RBFOX1: variants seen among roughly 807,000 people sequenced by gnomAD.
RBFOX1 encodes the protein RNA binding protein fox-1 homolog 1.
In RBFOX1, 8 loss-of-function variants were observed where a neutral mutation model predicts 57.7. The ratio of observed to expected loss-of-function variants is 0.14; its 90% CI spans 0.08 to 0.25. RBFOX1 has a LOEUF of 0.25. Ranked by LOEUF, RBFOX1 falls within the 10% of genes least tolerant of loss-of-function variation. The probability of loss-of-function intolerance (pLI) is 1.00; values close to 1 mark genes in which losing one functional copy is unlikely to be tolerated. For missense variants in RBFOX1, 611 were observed against 548.5 expected (o/e 1.11, Z -1.14); for synonymous variants, 326 against 222.4 (o/e 1.47, Z -4.15).
chr16:6,852,741 T>C (rs1423201211), intron 3 of RBFOX1, among the ~76,000 whole-genome samples: 1 of 147,580 alleles, frequency 6.8e-6, no homozygotes, highest in African/African-American at 2.5e-5. Context: ...ACTAGCTGTC[T>C]AGGTGAGATG....
At chr16:7,190,217 C>G (rs1052591883) in intron 4 of RBFOX1, among the ~76,000 whole-genome samples, 13 of 152,030 alleles carry the variant, frequency 8.6e-5, no homozygotes, top group African/African-American at 3.1e-4. Context: ...AGAAATTACC[C>G]AGGCATGGTG....
At chr16:7,710,346 G>T in intron 15 of RBFOX1, 1 of 1,272,368 alleles carries the variant, frequency 7.9e-7, no homozygotes, top group Non-Finnish European at 9.9e-7. Context: ...ATGAGACAGT[G>T]AAAATCCTTC....
chr16:6,600,482 C>A (rs1305437826), intron 2 of RBFOX1, among the ~76,000 whole-genome samples: 6 of 152,188 alleles, frequency 3.9e-5, no homozygotes, highest in East Asian at 3.8e-4. Flanking sequence ...AACCAGATAG[C>A]AGAGTCTCCA....
intron 3 of RBFOX1, among the ~76,000 whole-genome samples, chr16:7,032,918 G>C (rs149574197): frequency 1.2e-4 from 19 of 152,238 alleles, no homozygotes; most frequent in African/African-American, 4.6e-4. Context: ...TGGGAAGGAG[G>C]CTTTTCCTGG....
intron 2 of RBFOX1, among the ~76,000 whole-genome samples, chr16:6,501,601 C>G (rs553990084): frequency 6.6e-6 from 1 of 151,978 alleles, no homozygotes; most frequent in Admixed American, 6.6e-5. Context: ...AATAAACATA[C>G]GTGTGCATGC....
chr16:7,466,658 G>A (rs1004235452), intron 4 of RBFOX1, among the ~76,000 whole-genome samples: 2 of 152,164 alleles, frequency 1.3e-5, no homozygotes, highest in African/African-American at 2.4e-5. Flanking sequence ...GTTACTTTCT[G>A]AATCTCAGTG....
chr16:7,280,201 T>G (rs1448471752), intron 4 of RBFOX1, among the ~76,000 whole-genome samples: 2 of 152,214 alleles, frequency 1.3e-5, no homozygotes, highest in Non-Finnish European at 2.9e-5. Context: ...ATTCAGCTGT[T>G]TTCCTCATCC....
At chr16:7,510,953 A>C (rs537751179) in intron 4 of RBFOX1, among the ~76,000 whole-genome samples, 36 of 152,342 alleles carry the variant, frequency 2.4e-4, no homozygotes, top group South Asian at 2.1e-4. Context: ...GGTTCTCCAC[A>C]GCAGGAAATA....
At chr16:5,984,834 G>T (rs368343256) in intron 4 of RBFOX1, among the ~76,000 whole-genome samples, 1 of 151,332 alleles carries the variant, frequency 6.6e-6, no homozygotes, top group African/African-American at 2.4e-5. Context: ...ACTGAATACT[G>T]TAGGCAGTTG....
chr16:5,910,376 A>G (rs1244388121), intron 4 of RBFOX1, among the ~76,000 whole-genome samples: 1 of 152,176 alleles, frequency 6.6e-6, no homozygotes, highest in African/African-American at 2.4e-5. Context: ...AGCCTTCTTG[A>G]CTGGAAGAAT....
At chr16:6,989,014 C>T (rs924797690) in intron 3 of RBFOX1, among the ~76,000 whole-genome samples, 12 of 152,026 alleles carry the variant, frequency 7.9e-5, no homozygotes, top group African/African-American at 2.2e-4. Context: ...CCACCCCCCT[C>T]GGACTCCCAA....
intron 4 of RBFOX1, among the ~76,000 whole-genome samples, chr16:7,070,615 G>A (rs2057131750): frequency 6.6e-6 from 1 of 152,174 alleles, no homozygotes; most frequent in Admixed American, 6.5e-5. Context: ...TGATTAACCT[G>A]GGTTTGCTTA....
In RBFOX1 at chr16:7,662,785, T is replaced by G. The variant is rs79908266; in HGVS notation, c.891-2144T>G. Among the ~76,000 whole-genome samples the G allele has an allele frequency of 5.2e-3, 799 of 152,320 alleles. 8 individuals carry two copies. The highest frequency in any genetic ancestry group is 0.018 in the African/African-American group (766 of 41,578). On this transcript the variant is annotated intron_variant, in intron 12 of 15. Transcript: ENST00000550418. ...GTTAAGCATGATGCCACCCATCCCTTTGCAAGCATTATCTTACGAAACCCT... is the reference window on the plus strand; with the variant it reads ...GTTAAGCATGATGCCACCCATCCCTGTGCAAGCATTATCTTACGAAACCCT...
chr16:7,110,342 C>T (rs1034046072), intron 4 of RBFOX1, among the ~76,000 whole-genome samples: 4 of 151,958 alleles, frequency 2.6e-5, no homozygotes, highest in Non-Finnish European at 5.9e-5. Flanking sequence ...GCTTGGGTGA[C>T]AGAGCAAGAT....
chr16:6,547,130 C>G (rs2153846809), intron 2 of RBFOX1, among the ~76,000 whole-genome samples: 3 of 152,334 alleles, frequency 2.0e-5, no homozygotes, highest in African/African-American at 7.2e-5. Flanking sequence ...ATCTGGCGCT[C>G]TTTTACTAAG....
intron 4 of RBFOX1, among the ~76,000 whole-genome samples, chr16:7,176,762 G>A (rs1271697026): frequency 6.6e-6 from 1 of 152,046 alleles, no homozygotes; most frequent in African/African-American, 2.4e-5. Flanking sequence ...AGGTAAGACA[G>A]ACACGACACA....
chr16:7,277,000 T>G (rs2095452767), intron 4 of RBFOX1, among the ~76,000 whole-genome samples: 1 of 152,214 alleles, frequency 6.6e-6, no homozygotes, highest in Non-Finnish European at 1.5e-5. Flanking sequence ...ATGGTATAAC[T>G]TTGCGTCTTT....
chr16:5,546,018 C>G (rs1033511135), intron 2 of RBFOX1, among the ~76,000 whole-genome samples: 3 of 151,698 alleles, frequency 2.0e-5, no homozygotes, highest in African/African-American at 7.3e-5. Context: ...CATTGTATTT[C>G]TATATAATAA....
chr16:7,001,318 A>G (rs2092767374), intron 3 of RBFOX1, among the ~76,000 whole-genome samples: 1 of 151,704 alleles, frequency 6.6e-6, no homozygotes, highest in African/African-American at 2.4e-5. Context: ...TGGTCAACTT[A>G]TGTATTTCCT....
Sources: gnomAD v4.1 joint callset for allele counts (sites outside exome capture counted in the v4.1 genomes callset) on GRCh38, gnomAD v4.1.1 for gene constraint, MANE v1.5 for transcripts, NCBI Gene and HGNC (gene_info 2026-07-23, HGNC 2026-07-21) for gene names.